The following RAPGEF2 variants were observed in gnomAD, a reference collection of about 807,000 sequenced individuals.
RAPGEF2 encodes the protein PDZ domain containing guanine nucleotide exchange factor (GEF) 1.
Under a neutral mutation model 186.7 loss-of-function variants are expected in RAPGEF2, and 54 were observed. The ratio of observed to expected loss-of-function variants is 0.29; its 90% confidence interval spans 0.23 to 0.36. The LOEUF is 0.36. Ranked by LOEUF, RAPGEF2 falls within the 10% of genes least tolerant of loss-of-function variation. The pLI, the probability that RAPGEF2 is intolerant of heterozygous loss-of-function variation, is 1.00. For synonymous variants in RAPGEF2, 712 were observed against 705.9 expected, an observed-to-expected ratio of 1.01 and a Z score of -0.14; for missense variants, 1,532 against 2,045.0, an observed-to-expected ratio of 0.75 and a Z score of 4.84.
At chr4:159,206,558 CT>C (rs1277909467) in intron 3 of RAPGEF2, among the ~76,000 whole-genome samples, 1 of 152,226 alleles carries the variant, frequency 6.6e-6, no homozygotes, top group Non-Finnish European at 1.5e-5. Flanking sequence ...AAAACCATCA[CT>C]TTCCCATTTT....
intron 1 of RAPGEF2, among the ~76,000 whole-genome samples, chr4:159,169,672 A>G (rs1172593779): frequency 6.6e-6 from 1 of 152,054 alleles, no homozygotes; most frequent in African/African-American, 2.4e-5. Flanking sequence ...AGATGAAATC[A>G]CACAGTATTT....
intron 7 of RAPGEF2, among the ~76,000 whole-genome samples, chr4:159,287,642 G>A (rs1760681229): frequency 6.6e-6 from 1 of 152,086 alleles, no homozygotes; most frequent in African/African-American, 2.4e-5. Context: ...TTGTTTACAT[G>A]CATAATAAAT....
intron 7 of RAPGEF2, among the ~76,000 whole-genome samples, chr4:159,269,136 G>T (rs1210453664): frequency 6.6e-6 from 1 of 152,134 alleles, no homozygotes; most frequent in African/African-American, 2.4e-5. Flanking sequence ...AGTCGCTGAG[G>T]CTTTGTAAGT....
intron 9 of RAPGEF2, among the ~76,000 whole-genome samples, chr4:159,320,259 A>T (rs540441005): frequency 2.0e-5 from 3 of 152,138 alleles, no homozygotes; most frequent in Non-Finnish European, 4.4e-5. Context: ...AGGTCAATGC[A>T]TTGGTAAAAC....
At position 159,209,615 on chromosome 4, in the gene RAPGEF2, A is replaced by G. The variant is rs1750321110; in HGVS notation, c.198-885A>G. On this transcript the variant is annotated intron_variant, in intron 3 of 29. Transcript: ENST00000691494. ...CTAAACATCCAGAAAAGCCTTCCAC[A>G]TAAAATTTGTCAATATTTGTTAAAT... 2.6e-5 allele frequency among the ~76,000 whole-genome samples: 4 copies of G among 152,224 alleles called. No individual in the cohort carries two copies. The South Asian group carries it at 8.3e-4, about 31-fold the overall frequency.
intron 8 of RAPGEF2, among the ~76,000 whole-genome samples, chr4:159,308,905 G>A (rs1763625419): frequency 6.6e-6 from 1 of 152,104 alleles, no homozygotes; most frequent in African/African-American, 2.4e-5. Flanking sequence ...GTTTTAAGGA[G>A]AGAGAAGTTT....
In RAPGEF2 at chr4:159,342,543, T is replaced by TTTATTTTATTTTATA. The variant is rs1237375897; in HGVS notation, c.2919-427_2919-426insTTTATATTATTTTAT. On this transcript the variant is annotated intron_variant, in intron 20 of 29. Coordinates refer to ENST00000691494, the MANE Select transcript of RAPGEF2 (RefSeq NM_001394067.2). ...TATCATAGCTTTTATTTTATTTTAT[T>TTTATTTTATTTTATA]TTATTTTATATTATTTTATTTTATT... Among the ~76,000 whole-genome samples the TTTATTTTATTTTATA allele has an allele frequency of 6.0e-3, 649 of 107,820 alleles. 8 individuals are homozygous for TTTATTTTATTTTATA. Among genetic ancestry groups the TTTATTTTATTTTATA allele is most frequent in the Non-Finnish European group, 9.7e-3 (505 of 52,218 alleles). 70.7% of individuals were successfully genotyped at this position (107,820 alleles called of 152,430 possible).
intron 4 of RAPGEF2, among the ~76,000 whole-genome samples, chr4:159,229,992 A>C (rs540503285): frequency 6.6e-6 from 1 of 152,308 alleles, no homozygotes; most frequent in South Asian, 2.1e-4. Context: ...GTGGTTGTTT[A>C]ATATCAGATT....
intron 29 of RAPGEF2, among the ~76,000 whole-genome samples, chr4:159,357,904 T>C (rs1488152612): frequency 1.3e-5 from 2 of 152,198 alleles, no homozygotes; most frequent in Non-Finnish European, 2.9e-5. Flanking sequence ...TAATATTGTG[T>C]GTATATATGT....
intron 9 of RAPGEF2, among the ~76,000 whole-genome samples, chr4:159,315,184 G>A (rs1248686187): frequency 3.9e-5 from 6 of 152,126 alleles, no homozygotes; most frequent in Non-Finnish European, 8.8e-5. Flanking sequence ...TTCTACTCTG[G>A]TTTTGTGTGA....
chr4:159,106,439 A>G (rs1737893776), intron 1 of RAPGEF2, among the ~76,000 whole-genome samples: 1 of 152,192 alleles, frequency 6.6e-6, no homozygotes, highest in Admixed American at 6.5e-5. Flanking sequence ...TGTAGAAGGT[A>G]CTTTTTATGT....
chr4:159,287,168 G>A (rs1039411910), intron 7 of RAPGEF2, among the ~76,000 whole-genome samples: 3 of 151,536 alleles, frequency 2.0e-5, no homozygotes, highest in South Asian at 2.1e-4. Context: ...ATCAAATTTG[G>A]GTATAAAGAC....
At chr4:159,277,447 G>A (rs936384344) in intron 7 of RAPGEF2, among the ~76,000 whole-genome samples, 2 of 152,220 alleles carry the variant, frequency 1.3e-5, no homozygotes, top group Non-Finnish European at 2.9e-5. Context: ...ACCCAGTAAT[G>A]GGATTGCTGG....
In RAPGEF2 at chr4:159,358,584, G is replaced by C. The variant is rs1732372439; in HGVS notation, c.*445G>C. ...GAAAAGCTAGCCATTGAACTACTTG[G>C]GGCCTTTAACCCACCAAGGAAGACA... On this transcript the variant is annotated 3_prime_UTR_variant, in exon 30 of 30. Transcript: ENST00000691494. The C allele has an allele frequency of 6.2e-6, 1 of 160,958 alleles. No homozygotes were observed. The highest frequency in any genetic ancestry group is 1.3e-5 in the Non-Finnish European group (1 of 74,542). The allele number at this position is 160,958 out of a possible 1,614,324, so 10.0% of individuals were successfully genotyped here.
chr4:159,213,105 G>A (rs1208237646), intron 4 of RAPGEF2, among the ~76,000 whole-genome samples: 1 of 152,170 alleles, frequency 6.6e-6, no homozygotes, highest in Non-Finnish European at 1.5e-5. Flanking sequence ...GGAATGACAA[G>A]CCAGTACTAT....
At chr4:159,244,801 C>T (rs760909382) in intron 7 of RAPGEF2, among the ~76,000 whole-genome samples, 8 of 151,744 alleles carry the variant, frequency 5.3e-5, no homozygotes, top group Non-Finnish European at 7.4e-5. Flanking sequence ...CAAGAGAGTA[C>T]GTATTAGAAT....
At chr4:159,131,095 TGTGAGA>T (rs777863330) in intron 1 of RAPGEF2, among the ~76,000 whole-genome samples, 574 of 42,980 alleles carry the variant, frequency 0.013, 1 homozygote, top group Non-Finnish European at 0.02. Context: ...TGTGTGTGTG[TGTGAGA>T]GAGAGAGAGA....
chr4:159,148,293 T>G (rs1183108892), intron 1 of RAPGEF2, among the ~76,000 whole-genome samples: 3 of 152,194 alleles, frequency 2.0e-5, no homozygotes, highest in African/African-American at 7.2e-5. Context: ...GTCTTTATCT[T>G]TAAAGTATAG....
At chr4:159,307,798 C>T (rs1463486286) in intron 8 of RAPGEF2, among the ~76,000 whole-genome samples, 1 of 152,010 alleles carries the variant, frequency 6.6e-6, no homozygotes, top group African/African-American at 2.4e-5. Flanking sequence ...ATGGTGAAAC[C>T]CCATCTCTAC....
Sources: gnomAD v4.1 joint callset for allele counts (sites outside exome capture counted in the v4.1 genomes callset) on GRCh38, gnomAD v4.1.1 for gene constraint, MANE v1.5 for transcripts, NCBI Gene and HGNC (gene_info 2026-07-23, HGNC 2026-07-21) for gene names.